The following RGPD4 variants were observed in gnomAD, a reference collection of about 807,000 sequenced individuals.
The protein encoded by RGPD4 is ranBP2-like and GRIP domain-containing protein 4.
RGPD4 carries 84 observed loss-of-function variants against 141.1 expected under a neutral mutation model. That is an observed-to-expected ratio of 0.60 (90% CI 0.50 to 0.71). The LOEUF (loss-of-function observed/expected upper bound fraction) is 0.71. Among genes scored for constraint, RGPD4 ranks in the 30% least tolerant of loss-of-function variants. RGPD4 has a pLI of 0.00. For synonymous variants in RGPD4, 298 were observed against 566.8 expected, an observed-to-expected ratio of 0.53 and a Z score of 6.74; for missense variants, 918 against 1,622.4, an observed-to-expected ratio of 0.57 and a Z score of 7.46.
chr2:107,830,040 G>T (rs1159649325), intron 1 of RGPD4, among the ~76,000 whole-genome samples: 1 of 152,020 alleles, frequency 6.6e-6, no homozygotes, highest in African/African-American at 2.4e-5. Flanking sequence ...CGGCGCAAAT[G>T]ACACGGAAAG....
rs1675638275 is a variant in RGPD4 at position 107,890,830 on chromosome 2, T to C, written c.*99T>C. 6.5e-7 allele frequency: 1 copy of C among 1,537,368 alleles called. No individual in the cohort carries two copies. The highest frequency in any genetic ancestry group is 8.9e-7 in the Non-Finnish European group (1 of 1,128,240). On this transcript the variant is annotated 3_prime_UTR_variant, in exon 23 of 23. Coordinates refer to ENST00000408999, the MANE Select transcript of RGPD4 (RefSeq NM_182588.3). Reference sequence around the variant, plus strand: ...ATATTTTTATTAACCAAATAAAATCTATTTACAAAAATGGTTCATGTGTAT... The same window carrying C: ...ATATTTTTATTAACCAAATAAAATCCATTTACAAAAATGGTTCATGTGTAT...
At chr2:107,846,215 C>T (rs560268653) in intron 6 of RGPD4, among the ~76,000 whole-genome samples, 199 of 149,754 alleles carry the variant, frequency 1.3e-3, no homozygotes, top group African/African-American at 4.6e-3. Context: ...CATGAGCCAC[C>T]GCGCCCGGCT....
intron 1 of RGPD4, among the ~76,000 whole-genome samples, chr2:107,835,317 T>C (rs1221596039): frequency 1.7e-5 from 1 of 58,876 alleles, no homozygotes; most frequent in Non-Finnish European, 3.4e-5. Context: ...GTGATCCACC[T>C]GCCTCAGTCT....
At chr2:107,833,760 C>T (rs1165200189) in intron 1 of RGPD4, among the ~76,000 whole-genome samples, 4 of 152,002 alleles carry the variant, frequency 2.6e-5, no homozygotes, top group Non-Finnish European at 2.9e-5. Flanking sequence ...GGGAACTGGC[C>T]GGGCTCCGTG....
At position 107,827,095 on chromosome 2, in the gene RGPD4, T is replaced by G. The variant is rs965278325; in HGVS notation, c.72+10T>G. ...CCCGTCGCCTCGAAAGGTGAGTGGA[T>G]CTCGAAGAGACCGACGGCCTCGACC... On this transcript the variant is annotated intron_variant, in intron 1 of 22. Coordinates refer to ENST00000408999, the MANE Select transcript of RGPD4 (RefSeq NM_182588.3). 6.3e-7 allele frequency: 1 copy of G among 1,587,352 alleles called. No homozygotes were observed. The highest frequency in any genetic ancestry group is 8.6e-7 in the Non-Finnish European group (1 of 1,168,482).
At position 107,891,901 on chromosome 2, in the gene RGPD4, T is replaced by A. The variant is rs1409220016; in HGVS notation, c.*1170T>A. 8.7e-6 allele frequency among the ~76,000 whole-genome samples: 1 copy of A among 114,858 alleles called. No individual in the cohort carries two copies. The highest frequency in any genetic ancestry group is 1.9e-5 in the Non-Finnish European group (1 of 52,334). 75.4% of individuals were successfully genotyped at this position (114,858 alleles called of 152,430 possible). ...AGTTCCTCTGAATAACCTTAGGTGG[T>A]AGTGTTACTTGCCTTTGACACCTCT... On this transcript the variant is annotated 3_prime_UTR_variant, in exon 23 of 23. Coordinates refer to ENST00000408999, the MANE Select transcript of RGPD4 (RefSeq NM_182588.3).
At chr2:107,887,213 G>A (rs79850633) in intron 22 of RGPD4, among the ~76,000 whole-genome samples, 43,448 of 151,648 alleles carry the variant, frequency 0.29, 6,317 homozygotes, top group Middle Eastern at 0.38. Flanking sequence ...TCCTGGTCAC[G>A]CCACTGCATT....
intron 7 of RGPD4, among the ~76,000 whole-genome samples, chr2:107,851,986 A>G (rs1414588891): frequency 6.6e-6 from 1 of 151,976 alleles, no homozygotes. Context: ...CACGCCTATA[A>G]TCTTAGCACT....
At chr2:107,873,495 G>A (rs1177001844) in intron 20 of RGPD4, among the ~76,000 whole-genome samples, 3 of 144,732 alleles carry the variant, frequency 2.1e-5, no homozygotes, top group African/African-American at 7.9e-5. Context: ...GATCGCTTGA[G>A]CACAGGAGAT....
At chr2:107,831,851 G>A (rs1253973541) in intron 1 of RGPD4, among the ~76,000 whole-genome samples, 5 of 136,466 alleles carry the variant, frequency 3.7e-5, no homozygotes, top group East Asian at 2.0e-4. Flanking sequence ...GATTACAGGC[G>A]TGAGCCACCG....
chr2:107,834,100 T>C (rs1681590184), intron 1 of RGPD4, among the ~76,000 whole-genome samples: 1 of 151,510 alleles, frequency 6.6e-6, no homozygotes, highest in South Asian at 2.1e-4. Context: ...TATAGTTCTT[T>C]TTTTTTTTGA....
chr2:107,846,784 A>G (rs972318958), intron 6 of RGPD4, among the ~76,000 whole-genome samples: 7 of 151,700 alleles, frequency 4.6e-5, no homozygotes, highest in Non-Finnish European at 8.8e-5. Context: ...AGCATTTTTT[A>G]TGAAAAATAA....
intron 9 of RGPD4, among the ~76,000 whole-genome samples, chr2:107,858,438 CTTT>C (rs1331392169): frequency 6.6e-6 from 1 of 151,250 alleles, no homozygotes; most frequent in Non-Finnish European, 1.5e-5. Flanking sequence ...CTTTTCTTTT[CTTT>C]TCTTTTCTTT....
At chr2:107,854,019 G>A (rs1682208556) in intron 7 of RGPD4, among the ~76,000 whole-genome samples, 1 of 146,408 alleles carries the variant, frequency 6.8e-6, no homozygotes, top group African/African-American at 2.6e-5. Context: ...AAAGTGCTGG[G>A]ATTACAGGTG....
chr2:107,829,596 C>G (rs1681390556), intron 1 of RGPD4, among the ~76,000 whole-genome samples: 1 of 150,294 alleles, frequency 6.7e-6, no homozygotes, highest in African/African-American at 2.5e-5. Context: ...CCGACGGGCG[C>G]TGCTCCCAGG....
chr2:107,846,506 G>A (rs1363856850), intron 6 of RGPD4, among the ~76,000 whole-genome samples: 2 of 149,922 alleles, frequency 1.3e-5, no homozygotes, highest in African/African-American at 5.0e-5. Context: ...TGCTCTTGTT[G>A]CCCAGGCTAG....
At position 107,846,055 on chromosome 2, in the gene RGPD4, T is replaced by C. The variant is rs1229189107; in HGVS notation, c.783-2286T>C. 6.3e-5 allele frequency among the ~76,000 whole-genome samples: 7 copies of C among 111,636 alleles called. No homozygotes were observed. The East Asian group carries it at 1.4e-3, about 23-fold the overall frequency. The allele number at this position is 111,636 out of a possible 152,430, so 73.2% of individuals were successfully genotyped here. On this transcript the variant is annotated intron_variant, in intron 6 of 22. Coordinates refer to ENST00000408999, the MANE Select transcript of RGPD4 (RefSeq NM_182588.3). ...CATTCTCCTGCCTCAGCCTCCCGAG[T>C]AGCTGGGCCTACAGGTTCCTGCCAC...
At chr2:107,887,685 TAGAC>T (rs1371873840) in intron 22 of RGPD4, among the ~76,000 whole-genome samples, 2 of 120,742 alleles carry the variant, frequency 1.7e-5, no homozygotes. Flanking sequence ...CAATGTCAAA[TAGAC>T]AGTGGTAAGT....
chr2:107,874,039 C>CT (rs1406494733), intron 20 of RGPD4, among the ~76,000 whole-genome samples: 5 of 147,032 alleles, frequency 3.4e-5, no homozygotes, highest in African/African-American at 1.3e-4. Flanking sequence ...TACCTTTTGA[C>CT]TGGTGGCATG....
Sources: gnomAD v4.1 joint callset for allele counts (sites outside exome capture counted in the v4.1 genomes callset) on GRCh38, gnomAD v4.1.1 for gene constraint, MANE v1.5 for transcripts, NCBI Gene and HGNC (gene_info 2026-07-23, HGNC 2026-07-21) for gene names.